NOL4: variants seen among roughly 807,000 people sequenced by gnomAD.
NOL4 encodes nucleolar protein 4.
NOL4 carries 17 observed loss-of-function variants against 75.9 expected under a neutral mutation model. That is an observed-to-expected ratio of 0.22 (90% confidence interval 0.15 to 0.34). The LOEUF is 0.34. Among genes scored for constraint, NOL4 ranks in the 10% least tolerant of loss-of-function variants. The pLI is 1.00. For missense variants in NOL4, 614 were observed against 793.5 expected (o/e 0.77, Z 2.72); for synonymous variants, 292 against 289.9 (o/e 1.01, Z -0.07).
At chr18:34,056,035 T>A (rs1196551020) in intron 5 of NOL4, among the ~76,000 whole-genome samples, 1 of 152,214 alleles carries the variant, frequency 6.6e-6, no homozygotes, top group African/African-American at 2.4e-5. Flanking sequence ...TGGATTTTGT[T>A]TAGTCATCTC....
chr18:34,146,134 A>G (rs1210783734), intron 1 of NOL4, among the ~76,000 whole-genome samples: 1 of 152,040 alleles, frequency 6.6e-6, no homozygotes, highest in Non-Finnish European at 1.5e-5. Context: ...CATCCCTTAC[A>G]CTTGCTGTTG....
chr18:34,153,490 T>C (rs548261970), intron 1 of NOL4, among the ~76,000 whole-genome samples: 27 of 152,144 alleles, frequency 1.8e-4, no homozygotes, highest in African/African-American at 5.1e-4. Flanking sequence ...AATAATTATC[T>C]ATTATTCCCA....
chr18:34,049,018 T>G (rs1172540103), intron 5 of NOL4, among the ~76,000 whole-genome samples: 1 of 151,366 alleles, frequency 6.6e-6, no homozygotes, highest in Non-Finnish European at 1.5e-5. Flanking sequence ...CTTTACCTTT[T>G]TTTTGTTTGT....
chr18:33,863,643 C>A (rs1567973397), intron 10 of NOL4, among the ~76,000 whole-genome samples: 1 of 152,162 alleles, frequency 6.6e-6, no homozygotes, highest in Non-Finnish European at 1.5e-5. Context: ...TCTCTCACAG[C>A]CTTGGGCAGC....
At chr18:34,059,253 C>T (rs956086566) in intron 5 of NOL4, among the ~76,000 whole-genome samples, 2 of 151,094 alleles carry the variant, frequency 1.3e-5, no homozygotes, top group African/African-American at 2.4e-5. Flanking sequence ...AAAATACCCC[C>T]GATTCAAAGT....
intron 10 of NOL4, among the ~76,000 whole-genome samples, chr18:33,854,383 A>G (rs1418005084): frequency 2.0e-5 from 3 of 152,078 alleles, no homozygotes; most frequent in African/African-American, 7.2e-5. Flanking sequence ...CCACTTCTGT[A>G]GTGGCCTTTC....
intron 9 of NOL4, among the ~76,000 whole-genome samples, chr18:33,911,130 G>T (rs2066373208): frequency 6.6e-6 from 1 of 151,582 alleles, no homozygotes; most frequent in African/African-American, 2.4e-5. Flanking sequence ...TTCTTTATAT[G>T]TGCTCCTCCC....
At chr18:33,856,004 G>C (rs780504694) in intron 10 of NOL4, among the ~76,000 whole-genome samples, 1 of 151,888 alleles carries the variant, frequency 6.6e-6, no homozygotes, top group Non-Finnish European at 1.5e-5. Flanking sequence ...AATTCTCTTT[G>C]AAAGACTATG....
chr18:33,864,249 C>T (rs1355182215), intron 10 of NOL4, among the ~76,000 whole-genome samples: 1 of 152,168 alleles, frequency 6.6e-6, no homozygotes, highest in Non-Finnish European at 1.5e-5. Context: ...ACTACTTATG[C>T]AAATTTCTGT....
chr18:33,988,043 A>C (rs1374706887), intron 6 of NOL4, among the ~76,000 whole-genome samples: 1 of 152,108 alleles, frequency 6.6e-6, no homozygotes, highest in Non-Finnish European at 1.5e-5. Context: ...GGTCAAACAC[A>C]GGGGGAAGGG....
intron 1 of NOL4, among the ~76,000 whole-genome samples, chr18:34,217,240 T>C (rs576616081): frequency 2.6e-5 from 4 of 152,310 alleles, no homozygotes; most frequent in East Asian, 1.9e-4. Flanking sequence ...AATACATATG[T>C]ACATAAATAC....
chr18:34,024,181 GAAAAAA>G (rs200128545), intron 5 of NOL4, among the ~76,000 whole-genome samples: 3 of 86,964 alleles, frequency 3.4e-5, no homozygotes, highest in East Asian at 2.3e-4. Context: ...AAATAAACAG[GAAAAAA>G]AAAAAAAATA....
At chr18:33,933,570 T>C (rs140923975) in intron 9 of NOL4, among the ~76,000 whole-genome samples, 127 of 152,328 alleles carry the variant, frequency 8.3e-4, no homozygotes, top group African/African-American at 3.0e-3. Context: ...TAAAGCTTTG[T>C]TTTTATTCAA....
At position 34,035,901 on chromosome 18, in the gene NOL4, A is replaced by C. The variant is rs147577415; in HGVS notation, c.773-16300T>G. Among the ~76,000 whole-genome samples, 318 of 152,252 alleles carry C rather than the reference A, an allele frequency of 2.1e-3. 1 individual carries two copies. Among genetic ancestry groups the C allele is most frequent in the Middle Eastern group, 0.01 (3 of 294 alleles). On this transcript the variant is annotated intron_variant, in intron 5 of 10. Transcript: ENST00000261592. Reference sequence around the variant, plus strand: ...AGGAAATGGATAATTTTCTGGAAACATATATCCTACTAAAATTGAATCAGA... The same window carrying C: ...AGGAAATGGATAATTTTCTGGAAACCTATATCCTACTAAAATTGAATCAGA...
intron 10 of NOL4, among the ~76,000 whole-genome samples, chr18:33,867,254 T>C (rs1599677151): frequency 6.6e-6 from 1 of 152,188 alleles, no homozygotes; most frequent in Non-Finnish European, 1.5e-5. Context: ...AATTTTTGTC[T>C]GTATATTAAA....
chr18:33,948,364 A>G (rs2068978103), intron 8 of NOL4, among the ~76,000 whole-genome samples: 1 of 151,886 alleles, frequency 6.6e-6, no homozygotes, highest in Non-Finnish European at 1.5e-5. Context: ...CGCACACACT[A>G]TCTCCCCCAA....
At chr18:33,924,058 C>T (rs1386145690) in intron 9 of NOL4, among the ~76,000 whole-genome samples, 4 of 152,160 alleles carry the variant, frequency 2.6e-5, no homozygotes, top group African/African-American at 9.7e-5. Flanking sequence ...AGAAATCATA[C>T]ACACACTTGT....
intron 5 of NOL4, among the ~76,000 whole-genome samples, chr18:34,054,519 A>G (rs563718914): frequency 6.6e-6 from 1 of 151,816 alleles, no homozygotes; most frequent in South Asian, 2.1e-4. Context: ...TTAGTATAGC[A>G]CCTCTGCTCT....
intron 6 of NOL4, among the ~76,000 whole-genome samples, chr18:33,987,824 C>T (rs903757660): frequency 2.0e-5 from 3 of 151,990 alleles, no homozygotes; most frequent in African/African-American, 7.2e-5. Flanking sequence ...AGGTAGGCAC[C>T]AGTGGGCAGG....
Sources: gnomAD v4.1 joint callset for allele counts (sites outside exome capture counted in the v4.1 genomes callset) on GRCh38, gnomAD v4.1.1 for gene constraint, MANE v1.5 for transcripts, NCBI Gene and HGNC (gene_info 2026-07-23, HGNC 2026-07-21) for gene names.